CLPTM1L: variants seen among roughly 807,000 people sequenced by gnomAD.
CLPTM1L encodes CLPTM1 like, also known as lipid scramblase CLPTM1L.
A neutral mutation model predicts 70.9 loss-of-function variants in CLPTM1L; 38 were observed. The observed-to-expected ratio is 0.54, with a 90% confidence interval of 0.41 to 0.70. The LOEUF (loss-of-function observed/expected upper bound fraction) is 0.70, where lower values mean the gene tolerates loss of function less well. Among genes scored for constraint, CLPTM1L ranks in the 30% least tolerant of loss-of-function variants. CLPTM1L has a pLI of 0.00. For synonymous variants in CLPTM1L, 339 were observed against 299.9 expected (o/e 1.13, Z -1.35); for missense variants, 652 against 705.9 (o/e 0.92, Z 0.87).
In CLPTM1L at chr5:1,342,924, G is replaced by A. The variant is rs889596505; in HGVS notation, c.264-1064C>T. Among the ~76,000 whole-genome samples, 1 of 152,236 alleles carries A rather than the reference G, an allele frequency of 6.6e-6. No homozygotes were observed. The highest frequency in any genetic ancestry group is 2.4e-5 in the African/African-American group (1 of 41,458). Reference sequence around the variant, plus strand: ...AATCTTACGGTTGGCCGGGTGCGGCGGCTCACGCCTGTAATCCCAGCACCT... The same window carrying A: ...AATCTTACGGTTGGCCGGGTGCGGCAGCTCACGCCTGTAATCCCAGCACCT... On this transcript the variant is annotated intron_variant, in intron 2 of 16. Transcript: ENST00000320895. The surrounding 1 kb of genome is among the most constrained non-coding windows in gnomAD (Gnocchi z 4.3).
At chr5:1,319,801 C>G (rs1007767186) in intron 16 of CLPTM1L, among the ~76,000 whole-genome samples, 3 of 152,332 alleles carry the variant, frequency 2.0e-5, no homozygotes, top group Admixed American at 1.3e-4. Context: ...TTGGGGGTGA[C>G]ACACACTCCT....
intron 3 of CLPTM1L, 24 bp downstream of exon 3, chr5:1,341,647 T>C: frequency 6.3e-7 from 1 of 1,577,128 alleles, no homozygotes; most frequent in Non-Finnish European, 8.7e-7. Context: ...CAGCCTGTTA[T>C]CAGTAACCCA....
chr5:1,325,909 C>T (rs1271279556), intron 9 of CLPTM1L, 93 bp from the exon 10 acceptor site: 5 of 1,048,960 alleles, frequency 4.8e-6, no homozygotes, highest in Admixed American at 1.8e-5. Context: ...GGACCTGCTG[C>T]CCATGGCCCC....
At chr5:1,322,782 AG>A in intron 13 of CLPTM1L, 94 bp downstream of exon 13, 2 of 1,300,846 alleles carry the variant, frequency 1.5e-6, no homozygotes, top group Non-Finnish European at 2.2e-6. Context: ...CTCAAATCAC[AG>A]GGGGGCTTGC....
intron 5 of CLPTM1L, among the ~76,000 whole-genome samples, chr5:1,336,896 G>C (rs1753605728): frequency 6.6e-6 from 1 of 152,200 alleles, no homozygotes; most frequent in Admixed American, 6.5e-5. Context: ...AGCAGGGCCT[G>C]GGCAGAGATC....
intron 12 of CLPTM1L, among the ~76,000 whole-genome samples, chr5:1,323,143 G>A (rs754059835): frequency 1.3e-5 from 2 of 152,086 alleles, no homozygotes; most frequent in Non-Finnish European, 2.9e-5. Context: ...CTCAGCTCAG[G>A]GCCAGCACCC....
intron 5 of CLPTM1L, among the ~76,000 whole-genome samples, chr5:1,335,731 C>T (rs1475639573): frequency 6.6e-6 from 1 of 150,786 alleles, no homozygotes; most frequent in Non-Finnish European, 1.5e-5. Flanking sequence ...CTCAGAACCA[C>T]GAGCTTAGTC....
Position 1,323,834 on chromosome 5 carries a change from G to A in CLPTM1L, c.1233C>T (p.Leu411=). The change falls in exon 12 of 17, where the codon CTC becomes CTT. Residue 411 remains leucine, a synonymous_variant. Coordinates refer to ENST00000320895, the MANE Select transcript of CLPTM1L (RefSeq NM_030782.5). ...GTGAATAGACAGCACCCCCGACACA[G>A]AGAGGGTACAGCAGGTATGACAAGT... The part of the protein sequence containing the change: ...MKYLSYLLYP[L]CVGGAVYSLL... 1.3e-5 allele frequency: 21 copies of A among 1,613,862 alleles called. No individual in the cohort carries two copies. Among genetic ancestry groups the A allele is most frequent in the Non-Finnish European group, 1.8e-5 (21 of 1,179,960 alleles).
chr5:1,326,205 TCA>T (rs1752526793), intron 9 of CLPTM1L: 1 of 263,506 alleles, frequency 3.8e-6, no homozygotes, highest in Non-Finnish European at 7.3e-6. Flanking sequence ...TTGGAAGGCA[TCA>T]CCCACGGAGC....
At chr5:1,328,777 A>C (rs189909801) in intron 9 of CLPTM1L, among the ~76,000 whole-genome samples, 3,938 of 45,258 alleles carry the variant, frequency 0.087, 5 homozygotes, top group Middle Eastern at 0.18. Context: ...CTCCATCCAG[A>C]TCCTCCTCTA....
At chr5:1,333,660 C>A (rs1001402830) in intron 7 of CLPTM1L, among the ~76,000 whole-genome samples, 1 of 86,788 alleles carries the variant, frequency 1.2e-5, no homozygotes, top group Middle Eastern at 0.013. Context: ...GTATACACAC[C>A]GGCTGAGGAT....
rs868000815 is a variant in CLPTM1L, at chr5:1,327,591, C to G, written c.1081-1775G>C. Reference sequence around the variant, plus strand: ...TACAGGGACATTCCATCCAGCTCCTCCTCTACAGACACATTTCATCCAGCT... The same window carrying G: ...TACAGGGACATTCCATCCAGCTCCTGCTCTACAGACACATTTCATCCAGCT... On this transcript the variant is annotated intron_variant, in intron 9 of 16. Coordinates refer to ENST00000320895, the MANE Select transcript of CLPTM1L (RefSeq NM_030782.5). Among the ~76,000 whole-genome samples the G allele has an allele frequency of 4.0e-5, 6 of 150,570 alleles. 1 individual carries two copies. The highest frequency in any genetic ancestry group is 4.2e-4 in the South Asian group (2 of 4,726).
chr5:1,333,012 CTGTAGACACACCGGAT>C (rs1753217815), intron 7 of CLPTM1L, among the ~76,000 whole-genome samples: 6 of 131,240 alleles, frequency 4.6e-5, no homozygotes, highest in African/African-American at 1.8e-4. Context: ...GGGGGGAATA[CTGTAGACACACCGGAT>C]AAGGGGGGAC....
At chr5:1,323,090 G>A (rs991268020) in intron 12 of CLPTM1L, among the ~76,000 whole-genome samples, 179 bp from the exon 13 acceptor site, 17 of 152,218 alleles carry the variant, frequency 1.1e-4, no homozygotes, top group Admixed American at 1.0e-3. Context: ...ATAGCGCTGA[G>A]CACCCCCGGC....
intron 9 of CLPTM1L, among the ~76,000 whole-genome samples, chr5:1,330,012 T>C (rs545871923): frequency 2.7e-5 from 4 of 147,468 alleles, no homozygotes; most frequent in African/African-American, 7.5e-5. Flanking sequence ...GACTATCTGC[T>C]TGGTGGACAG....
intron 9 of CLPTM1L, among the ~76,000 whole-genome samples, chr5:1,329,480 T>TCAC (rs754782434): frequency 8.6e-5 from 12 of 139,876 alleles, no homozygotes; most frequent in Admixed American, 1.4e-4. Context: ...GCCTCAGGAC[T>TCAC]CTCTGCTTGG....
At chr5:1,322,847 G>T (rs2126721467) in intron 13 of CLPTM1L, 30 bp downstream of exon 13, 2 of 1,609,208 alleles carry the variant, frequency 1.2e-6, no homozygotes, top group Non-Finnish European at 1.7e-6. Context: ...GGAAACACTA[G>T]TACTGAAGCA....
chr5:1,335,797 G>A (rs1046644996), intron 5 of CLPTM1L, among the ~76,000 whole-genome samples: 8 of 152,226 alleles, frequency 5.3e-5, no homozygotes, highest in Admixed American at 2.0e-4. Flanking sequence ...CCAGGGTGCC[G>A]AGGTAGGAGG....
In CLPTM1L at chr5:1,341,828, C is replaced by G; in HGVS notation, c.296G>C (p.Arg99Thr). The G allele has an allele frequency of 6.2e-7, 1 of 1,613,950 alleles. No homozygotes were observed. ...GTAGGCATACAGCGTCCCATTGTTT[C>G]TCGTTTTCTTTGGTACAGAAACATT... ...TVNVSVPKKT[R>T]NNGTLYAYIF... The change falls in exon 3 of 17, where the codon AGA becomes ACA. Residue 99 changes from arginine (R) to threonine (T), a missense_variant. This residue lies in a region of CLPTM1L where 402 missense variants were observed against 388.2 expected (regional missense o/e 1.04). Transcript: ENST00000320895.
Sources: gnomAD v4.1 joint callset for allele counts (sites outside exome capture counted in the v4.1 genomes callset) on GRCh38, gnomAD v4.1.1 for gene constraint, gnomAD v4.1.1 regional missense constraint, Gnocchi (gnomAD v3.1) non-coding constraint, MANE v1.5 for transcripts, NCBI Gene and HGNC (gene_info 2026-07-23, HGNC 2026-07-21) for gene names.